Variants in PEX5L observed in about 807,000 individuals in gnomAD.
PEX5L encodes PEX5-related protein.
A neutral mutation model predicts 84.0 loss-of-function variants in PEX5L; 30 were observed. That is an observed-to-expected ratio of 0.36 (90% CI 0.27 to 0.48). PEX5L has a LOEUF of 0.48. Ranked by LOEUF, PEX5L falls within the 20% of genes least tolerant of loss-of-function variation. The probability of loss-of-function intolerance (pLI) is 0.99; values close to 1 mark genes in which losing one functional copy is unlikely to be tolerated. For synonymous variants in PEX5L, 270 were observed against 283.1 expected (o/e 0.95, Z 0.46); for missense variants, 533 against 754.6 (o/e 0.71, Z 3.44).
chr3:179,812,387 G>T (rs10513764), intron 10 of PEX5L, among the ~76,000 whole-genome samples: 33,199 of 151,988 alleles, frequency 0.22, 3,989 homozygotes, highest in African/African-American at 0.32. Flanking sequence ...ATTCCTCTAA[G>T]GTAATCACTG....
At chr3:179,987,469 G>A (rs2110355361) in intron 1 of PEX5L, among the ~76,000 whole-genome samples, 1 of 152,350 alleles carries the variant, frequency 6.6e-6, no homozygotes, top group South Asian at 2.1e-4. Context: ...CTGGTGAGAA[G>A]CAGTCTTGCT....
At chr3:179,926,774 T>G (rs547575742) in intron 2 of PEX5L, among the ~76,000 whole-genome samples, 23 of 152,334 alleles carry the variant, frequency 1.5e-4, no homozygotes, top group African/African-American at 5.5e-4. Flanking sequence ...GTTCAACAAA[T>G]ATCTGTGAAA....
intron 2 of PEX5L, among the ~76,000 whole-genome samples, chr3:179,918,063 A>C (rs1264528999): frequency 5.3e-5 from 8 of 152,190 alleles, no homozygotes; most frequent in Non-Finnish European, 8.8e-5. Flanking sequence ...AGACACAGAG[A>C]GGTTACCTGG....
At chr3:179,824,842 G>C (rs1277569299) in intron 8 of PEX5L, among the ~76,000 whole-genome samples, 1 of 152,182 alleles carries the variant, frequency 6.6e-6, no homozygotes, top group South Asian at 2.1e-4. Flanking sequence ...TCAATGTGGG[G>C]CTTCACTGCC....
chr3:180,027,081 C>A (rs772579584), intron 1 of PEX5L, among the ~76,000 whole-genome samples: 17 of 151,902 alleles, frequency 1.1e-4, no homozygotes, highest in Non-Finnish European at 2.1e-4. Flanking sequence ...GCAGTAAGGG[C>A]AGCCATTGAA....
intron 3 of PEX5L, among the ~76,000 whole-genome samples, chr3:179,892,814 GA>G (rs955832421): frequency 5.9e-5 from 9 of 151,714 alleles, no homozygotes; most frequent in Admixed American, 2.0e-4. Flanking sequence ...AATGCCTAAT[GA>G]AAAAAAATTA....
chr3:179,901,496 G>T (rs1325476571), intron 2 of PEX5L, among the ~76,000 whole-genome samples: 1 of 152,090 alleles, frequency 6.6e-6, no homozygotes, highest in East Asian at 1.9e-4. Flanking sequence ...ATGCCACTCA[G>T]CAACAATGGA....
chr3:180,026,721 G>A (rs758191283), intron 1 of PEX5L, among the ~76,000 whole-genome samples: 10 of 152,048 alleles, frequency 6.6e-5, no homozygotes, highest in East Asian at 1.9e-4. Flanking sequence ...CTAAATAAAC[G>A]CAGGCTTAAA....
chr3:179,809,416 G>C (rs1372531142), intron 12 of PEX5L, 55 bp downstream of exon 12: 23 of 1,348,646 alleles, frequency 1.7e-5, no homozygotes, highest in Non-Finnish European at 2.3e-5. Context: ...CCCTTTAGGT[G>C]ATTCATTGTA....
chr3:179,931,881 TGTGACA>T (rs968518458), intron 2 of PEX5L, among the ~76,000 whole-genome samples: 114 of 152,304 alleles, frequency 7.5e-4, no homozygotes, highest in African/African-American at 2.6e-3. Context: ...GATTAAAAAG[TGTGACA>T]GTGTTTTTGG....
chr3:179,808,678 C>T (rs1037585747), intron 12 of PEX5L, among the ~76,000 whole-genome samples: 2 of 152,130 alleles, frequency 1.3e-5, no homozygotes, highest in African/African-American at 2.4e-5. Context: ...CTTCACGAGG[C>T]GAGTTCTGTT....
At chr3:179,861,429 T>G (rs1399885436) in intron 7 of PEX5L, among the ~76,000 whole-genome samples, 1 of 152,152 alleles carries the variant, frequency 6.6e-6, no homozygotes, top group African/African-American at 2.4e-5. Context: ...AAGTGGGCAA[T>G]GGCAGCTGAA....
At chr3:179,935,746 A>C (rs1774395229) in intron 2 of PEX5L, among the ~76,000 whole-genome samples, 1 of 152,084 alleles carries the variant, frequency 6.6e-6, no homozygotes, top group South Asian at 2.1e-4. Context: ...AACTTTTAAG[A>C]GGTGGAGCCT....
chr3:179,956,167 A>T (rs773357958), intron 2 of PEX5L, among the ~76,000 whole-genome samples: 11 of 152,156 alleles, frequency 7.2e-5, no homozygotes, highest in Non-Finnish European at 1.3e-4. Flanking sequence ...AGGCTTAGAG[A>T]TGTGTTCAAG....
chr3:180,012,875 TA>T (rs1046252573), intron 1 of PEX5L, among the ~76,000 whole-genome samples: 1 of 152,168 alleles, frequency 6.6e-6, no homozygotes, highest in South Asian at 2.1e-4. Context: ...CAGAGTTAAT[TA>T]AAAAAATACG....
chr3:179,986,591 A>G (rs13059836), intron 1 of PEX5L, among the ~76,000 whole-genome samples: 59,722 of 151,328 alleles, frequency 0.39, 12,508 homozygotes, highest in African/African-American at 0.55. Context: ...TTTAGTAGAG[A>G]CGGGGTTTCA....
intron 1 of PEX5L, among the ~76,000 whole-genome samples, chr3:180,029,408 T>C (rs1439240154): frequency 1.3e-5 from 2 of 152,170 alleles, no homozygotes; most frequent in Non-Finnish European, 2.9e-5. Context: ...AATAAAACTA[T>C]GTATTTATTT....
chr3:179,898,827 GA>G (rs1225184441), intron 2 of PEX5L, among the ~76,000 whole-genome samples: 1 of 151,922 alleles, frequency 6.6e-6, no homozygotes, highest in Non-Finnish European at 1.5e-5. Flanking sequence ...TAAACTTCAT[GA>G]AAAAAACATT....
chr3:180,032,971 C>T (rs1293618304), intron 1 of PEX5L, among the ~76,000 whole-genome samples: 2 of 152,134 alleles, frequency 1.3e-5, no homozygotes, highest in African/African-American at 4.8e-5. Context: ...TTATGATAAC[C>T]TACTGTTTAG....
Sources: allele counts gnomAD v4.1 joint callset (sites outside exome capture counted in the v4.1 genomes callset), GRCh38; gene constraint gnomAD v4.1.1; transcripts MANE v1.5; gene names NCBI Gene and HGNC (gene_info 2026-07-23, HGNC 2026-07-21).